Variants in MTMR4 observed in about 807,000 individuals in gnomAD.
MTMR4 encodes the protein phosphatidylinositol-3,5-bisphosphate 3-phosphatase MTMR4.
In MTMR4, 30 loss-of-function variants were observed where a neutral mutation model predicts 125.5. That is an observed-to-expected ratio of 0.24 (90% CI 0.18 to 0.32). The LOEUF (loss-of-function observed/expected upper bound fraction) is 0.32. MTMR4 is among the 10% of genes least tolerant of loss of function. The probability of loss-of-function intolerance (pLI) is 1.00; values close to 1 mark genes in which losing one functional copy is unlikely to be tolerated. For synonymous variants in MTMR4, 498 were observed against 564.5 expected, an observed-to-expected ratio of 0.88 and a Z score of 1.67; for missense variants, 1,039 against 1,511.5, an observed-to-expected ratio of 0.69 and a Z score of 5.18.
chr17:58,512,540 G>A lies in MTMR4; in HGVS notation c.136-34C>T. ...GGGCAGAGAAACCTTCAGTCCAGAA[G>A]TGAGTGACCACCTTATCCTCTTCTA... is the stretch of plus-strand genomic sequence containing the variant. On this transcript the variant is annotated intron_variant, in intron 2 of 17. Coordinates refer to ENST00000682306, the MANE Select transcript of MTMR4 (RefSeq NM_001378067.1). The surrounding 1 kb of genome is among the most constrained non-coding windows in gnomAD (Gnocchi z 4.1). 4 of 1,516,722 alleles carry A rather than the reference G, an allele frequency of 2.6e-6. No homozygotes were observed. The highest frequency in any genetic ancestry group is 3.7e-6 in the Non-Finnish European group (4 of 1,092,158). The allele number at this position is 1,516,722 out of a possible 1,614,324, so 94.0% of individuals were successfully genotyped here. A position where few individuals can be genotyped will look rare whatever the true frequency, so the allele number is the denominator to read the frequency against.
rs774534124 is a variant in MTMR4 at position 58,496,045 on chromosome 17, A to T, written c.2139T>A (p.Ser713=). 2 of 1,614,176 alleles carry T rather than the reference A, an allele frequency of 1.2e-6. No homozygotes were observed. Among genetic ancestry groups the T allele is most frequent in the Non-Finnish European group, 1.7e-6 (2 of 1,180,028 alleles). The change falls in exon 15 of 18, where the codon TCT becomes TCA. Residue 713 remains serine (S), a synonymous_variant. Coordinates refer to ENST00000682306, the MANE Select transcript of MTMR4 (RefSeq NM_001378067.1). ...NKPFKSHKSC[S]PSYKLLNTAV... ...CGGTATTAAGCAGTTTGTAACTTGGAGAACAGCTTTTGTGACTCTTGAAAG... is the reference window on the plus strand; with the variant it reads ...CGGTATTAAGCAGTTTGTAACTTGGTGAACAGCTTTTGTGACTCTTGAAAG...
rs776955187 is a variant in MTMR4, at chr17:58,507,332, A to T, written c.708-13T>A. 1 of 1,608,754 alleles carries T rather than the reference A, an allele frequency of 6.2e-7. No individual in the cohort carries two copies. Among genetic ancestry groups the T allele is most frequent in the Non-Finnish European group, 8.5e-7 (1 of 1,179,038 alleles). On this transcript the variant is annotated splice_polypyrimidine_tract_variant and intron_variant, in intron 7 of 17. Transcript: ENST00000682306. ...ATTGCGCAAGTGTCTGACAAAACAG[A>T]AGAAACCGTAATGCCCTTGGCATTC...
chr17:58,514,494 G>A lies in MTMR4; in HGVS notation c.-87C>T, dbSNP rs1395584155. The A allele has an allele frequency of 1.0e-6, 1 of 985,052 alleles. No individual in the cohort carries two copies. The highest frequency in any genetic ancestry group is 1.2e-6 in the Non-Finnish European group (1 of 829,904). The allele number at this position is 985,052 out of a possible 1,614,324, so 61.0% of individuals were successfully genotyped here. A position where few individuals can be genotyped will look rare whatever the true frequency, so the allele number is the denominator to read the frequency against. On this transcript the variant is annotated 5_prime_UTR_variant, in exon 1 of 18. Transcript: ENST00000682306. The stretch of plus-strand genomic sequence containing the variant: ...CGGGCGCCCGCCGCATCCCGGCTGC[G>A]GGGCTCGCCAGGTGCAGCCGCGGCG...
At chr17:58,505,915 C>T (rs556735222) in intron 9 of MTMR4, among the ~76,000 whole-genome samples, 1 of 152,072 alleles carries the variant, frequency 6.6e-6, no homozygotes, top group South Asian at 2.1e-4. Flanking sequence ...TCAAAACAAA[C>T]AAACAAACAA....
Position 58,503,725 on chromosome 17 carries a change from G to C in MTMR4, c.1853+19C>G, listed in dbSNP as rs752435104. On this transcript the variant is annotated intron_variant, in intron 14 of 17. Transcript: ENST00000682306. Reference sequence around the variant, plus strand: ...CCTTCCTAGTGGAGAGAGGAGAAAGGAAGAAGGGCTTTTCTTACCTGTCCA... The same window carrying C: ...CCTTCCTAGTGGAGAGAGGAGAAAGCAAGAAGGGCTTTTCTTACCTGTCCA... 2 of 1,605,442 alleles carry C rather than the reference G, an allele frequency of 1.2e-6. No homozygotes were observed. The highest frequency in any genetic ancestry group is 3.4e-5 in the Admixed American group (2 of 58,802).
At chr17:58,515,199 A>G (rs1187353159), upstream of MTMR4, 3 of 317,178 alleles carry the variant, frequency 9.5e-6, no homozygotes, top group Non-Finnish European at 1.4e-5. Context: ...TTCTTGGAGG[A>G]GAAAGGATTT....
At chr17:58,496,422 G>T in intron 14 of MTMR4, 92 bp from the exon 15 acceptor site, 1 of 1,080,270 alleles carries the variant, frequency 9.3e-7, no homozygotes. Flanking sequence ...ATCAAAGCCA[G>T]AGTTTAGAAA....
intron 1 of MTMR4, among the ~76,000 whole-genome samples, chr17:58,513,621 CT>C (rs1975995550): frequency 6.6e-6 from 1 of 152,074 alleles, no homozygotes; most frequent in East Asian, 1.9e-4. Context: ...AGGAACTCCC[CT>C]CCCAACCACC....
In MTMR4 at chr17:58,512,782, T is replaced by G. The variant is rs1975967368; in HGVS notation, c.135+70A>C. ...GGTACCAGATGCCCTTGAGGATTTT[T>G]GGGAGAAGGGAGGGTGTTTTTTAAC... On this transcript the variant is annotated intron_variant, in intron 2 of 17. Coordinates refer to ENST00000682306, the MANE Select transcript of MTMR4 (RefSeq NM_001378067.1). The surrounding 1 kb of genome is among the most constrained non-coding windows in gnomAD (Gnocchi z 4.1). 34 of 1,350,608 alleles carry G rather than the reference T, an allele frequency of 2.5e-5. No homozygotes were observed. The highest frequency in any genetic ancestry group is 3.6e-5 in the Non-Finnish European group (34 of 949,742). 83.7% of individuals were successfully genotyped at this position (1,350,608 alleles called of 1,614,324 possible).
intron 10 of MTMR4, among the ~76,000 whole-genome samples, chr17:58,505,267 C>T (rs878885220): frequency 2.6e-5 from 4 of 152,202 alleles, no homozygotes; most frequent in South Asian, 4.1e-4. Flanking sequence ...CTGATCCAAA[C>T]GAAAGGAATC....
upstream of MTMR4, chr17:58,516,448 G>T: frequency 1.1e-6 from 1 of 915,126 alleles, no homozygotes; most frequent in Non-Finnish European, 1.8e-6. Flanking sequence ...TATCTCCAGG[G>T]CAGATGAACA....
intron 7 of MTMR4, among the ~76,000 whole-genome samples, chr17:58,507,789 C>T (rs1340758414): frequency 6.6e-6 from 1 of 152,026 alleles, no homozygotes; most frequent in Non-Finnish European, 1.5e-5. Flanking sequence ...AAAAATAGCC[C>T]TTTAAAAATG....
rs1439923967 is a variant in MTMR4 at position 58,495,267 on chromosome 17, C to A, written c.2917G>T (p.Val973Leu). 2.5e-6 allele frequency: 4 copies of A among 1,614,208 alleles called. No homozygotes were observed. The South Asian group carries it at 3.3e-5, about 13-fold the overall frequency. ...FGGQWAQREGVKSPVCSSHSN... is the reference protein window; with the variant it reads ...FGGQWAQREGLKSPVCSSHSN... ...TGACTAGAACAGACAGGTGACTTCACACCTTCTCTCTGAGCCCACTGGCCC... is the reference window on the plus strand; with the variant it reads ...TGACTAGAACAGACAGGTGACTTCAAACCTTCTCTCTGAGCCCACTGGCCC... Residue 973 changes from valine (V) to leucine (L), a missense_variant, in exon 15 of 18, where the codon GTG becomes TTG. Val to Leu is a conservative substitution (Grantham distance 32). Coordinates refer to ENST00000682306, the MANE Select transcript of MTMR4 (RefSeq NM_001378067.1).
In MTMR4 at chr17:58,508,447, T is replaced by C. The variant is rs776054782; in HGVS notation, c.593+21A>G. On this transcript the variant is annotated intron_variant, in intron 6 of 17. Transcript: ENST00000682306. The surrounding 1 kb of genome is among the most constrained non-coding windows in gnomAD (Gnocchi z 4.8). ...GGAAGTAGTTTGGTGTGGAAGGTGT[T>C]TTGGTCCCCAACCCTCTCACTTGTA... 1.2e-6 allele frequency: 2 copies of C among 1,612,962 alleles called. No homozygotes were observed. Among genetic ancestry groups the C allele is most frequent in the Admixed American group, 3.3e-5 (2 of 60,020 alleles).
rs559677695 is a variant in MTMR4 at position 58,514,269 on chromosome 17, G to A, written c.45+94C>T. 12 of 971,244 alleles carry A rather than the reference G, an allele frequency of 1.2e-5. No individual in the cohort carries two copies. In the African/African-American group the frequency reaches 1.8e-4, roughly 14 times the overall value. The allele number at this position is 971,244 out of a possible 1,614,324, so 60.2% of individuals were successfully genotyped here. A position where few individuals can be genotyped will look rare whatever the true frequency, so the allele number is the denominator to read the frequency against. Reference sequence around the variant, plus strand: ...CCCAAACGTTCGGGGCCGGGCCAGGGGCCTCGGGAAGGGGGATGGGCTGAA... The same window carrying A: ...CCCAAACGTTCGGGGCCGGGCCAGGAGCCTCGGGAAGGGGGATGGGCTGAA... On this transcript the variant is annotated intron_variant, in intron 1 of 17. Transcript: ENST00000682306.
Position 58,496,320 on chromosome 17 carries a change from T to C in MTMR4, c.1864A>G (p.Thr622Ala), listed in dbSNP as rs1975467302. 3 of 1,604,012 alleles carry C rather than the reference T, an allele frequency of 1.9e-6. No homozygotes were observed. Among genetic ancestry groups the C allele is most frequent in the Non-Finnish European group, 2.6e-6 (3 of 1,175,110 alleles). ...SGRSLDRLPK[T>A]RSMDDLLSAC... ...GAAAGAAGATCATCCATGGATCTGG[T>C]TTTAGGTAATCTGGAAAGACAAATA... The change falls in exon 15 of 18, where the codon ACC (threonine) becomes GCC (alanine). Residue 622 changes from threonine (T) to alanine (A), a missense_variant. This residue lies in a region of MTMR4 where 619 missense variants were observed against 714.5 expected (regional missense o/e 0.87). Transcript: ENST00000682306.
chr17:58,508,392 A>G lies in MTMR4; in HGVS notation c.593+76T>C. The G allele has an allele frequency of 6.4e-6, 10 of 1,565,338 alleles. No individual in the cohort carries two copies. The South Asian group carries it at 1.0e-4, about 16-fold the overall frequency. On this transcript the variant is annotated intron_variant, in intron 6 of 17. Coordinates refer to ENST00000682306, the MANE Select transcript of MTMR4 (RefSeq NM_001378067.1). This position sits in a 1 kb window ranked among gnomAD's most constrained non-coding sequence, Gnocchi z 4.8. ...AGCCTTCCTCCCTCTCAGACTCAGA[A>G]GCTGTGCCCACCACACTTTATCCAA...
intron 9 of MTMR4, among the ~76,000 whole-genome samples, chr17:58,506,049 G>C (rs937428612): frequency 5.3e-5 from 8 of 152,202 alleles, no homozygotes; most frequent in Non-Finnish European, 8.8e-5. Flanking sequence ...AATCACACTT[G>C]TATCTCTGGA....
intron 14 of MTMR4, among the ~76,000 whole-genome samples, chr17:58,496,685 C>T (rs1475052930): frequency 6.6e-6 from 1 of 152,136 alleles, no homozygotes. Context: ...TAGGACTATA[C>T]CTGAGACTCA....
Sources: allele counts gnomAD v4.1 joint callset (sites outside exome capture counted in the v4.1 genomes callset), GRCh38; gene constraint gnomAD v4.1.1; regional missense constraint gnomAD v4.1.1; non-coding constraint Gnocchi (gnomAD v3.1); transcripts MANE v1.5; gene names NCBI Gene and HGNC (gene_info 2026-07-23, HGNC 2026-07-21).